ADGRA1: variants seen among roughly 807,000 people sequenced by gnomAD.
ADGRA1 encodes the protein G-protein coupled receptor 123.
ADGRA1 carries 12 observed loss-of-function variants against 21.3 expected under a neutral mutation model. That is an observed-to-expected ratio of 0.56 (90% CI 0.36 to 0.91). The LOEUF is 0.91. Ranked by LOEUF, ADGRA1 falls within the 40% of genes least tolerant of loss-of-function variation. ADGRA1 has a pLI of 0.01. For missense variants in ADGRA1, 790 were observed against 805.6 expected (o/e 0.98, Z 0.23); for synonymous variants, 385 against 368.8 (o/e 1.04, Z -0.50).
At chr10:133,123,757 C>T (rs1852321620) in intron 5 of ADGRA1, among the ~76,000 whole-genome samples, 1 of 151,856 alleles carries the variant, frequency 6.6e-6, no homozygotes, top group Non-Finnish European at 1.5e-5. Flanking sequence ...GCCACCGTCA[C>T]TCCTGGGCTT....
At chr10:133,090,700 C>T (rs570854774) in intron 2 of ADGRA1, among the ~76,000 whole-genome samples, 3 of 152,238 alleles carry the variant, frequency 2.0e-5, no homozygotes, top group South Asian at 4.1e-4. Context: ...TCTGCCTGCC[C>T]CACTGCTGTG....
chr10:133,105,323 C>A (rs1362102260), intron 5 of ADGRA1, among the ~76,000 whole-genome samples: 1 of 152,186 alleles, frequency 6.6e-6, no homozygotes. Flanking sequence ...TCTCAGCCGC[C>A]GTGCATGAAG....
chr10:133,090,525 G>A (rs1196813407), intron 2 of ADGRA1, among the ~76,000 whole-genome samples: 1 of 152,244 alleles, frequency 6.6e-6, no homozygotes, highest in Non-Finnish European at 1.5e-5. Flanking sequence ...GTCTGGTGCA[G>A]CATTTTTCTG....
At chr10:133,092,799 G>GAGGGAGGGA (rs1564842424) in intron 2 of ADGRA1, among the ~76,000 whole-genome samples, 5 of 96,966 alleles carry the variant, frequency 5.2e-5, no homozygotes, top group African/African-American at 2.2e-4. Flanking sequence ...GGAAGGAAGA[G>GAGGGAGGGA]AGGGAGGGAA....
At chr10:133,099,589 T>C (rs1173249616) in intron 4 of ADGRA1, among the ~76,000 whole-genome samples, 1 of 152,206 alleles carries the variant, frequency 6.6e-6, no homozygotes, top group Non-Finnish European at 1.5e-5. Context: ...ACTCAGTTCC[T>C]GGCAGAGCTC....
intron 5 of ADGRA1, among the ~76,000 whole-genome samples, chr10:133,121,136 A>G (rs891576893): frequency 2.6e-5 from 4 of 152,230 alleles, no homozygotes; most frequent in African/African-American, 9.6e-5. Flanking sequence ...TGGAAACCCC[A>G]AAGATCACTG....
At chr10:133,096,948 A>G in intron 2 of ADGRA1, 26 bp from the exon 3 acceptor site, 1 of 1,596,384 alleles carries the variant, frequency 6.3e-7, no homozygotes, top group Non-Finnish European at 8.6e-7. Flanking sequence ...AGCCAGTCAC[A>G]CACGTCTCCT....
rs762275032 is a variant in ADGRA1, at chr10:133,127,326, G to A, written c.495G>A (p.Thr165=). 13 of 1,593,048 alleles carry A rather than the reference G, an allele frequency of 8.2e-6. No homozygotes were observed. The highest frequency in any genetic ancestry group is 1.1e-5 in the South Asian group (1 of 87,688). ...IRNYGTEDED[T]AYCWMAWEPS... ...ATTACGGGACAGAGGACGAGGACACGGCGTAGTGAGTACCGGGCACCCAGA... is the reference window on the plus strand; with the variant it reads ...ATTACGGGACAGAGGACGAGGACACAGCGTAGTGAGTACCGGGCACCCAGA... The change falls in exon 6 of 7, where the codon ACG becomes ACA. Residue 165 remains threonine, a synonymous_variant. Transcript: ENST00000392607.
intron 2 of ADGRA1, among the ~76,000 whole-genome samples, chr10:133,094,408 C>T (rs1851653155): frequency 6.6e-6 from 1 of 152,244 alleles, no homozygotes; most frequent in Non-Finnish European, 1.5e-5. Context: ...AGGGCACACA[C>T]TTTCCTGGCT....
In ADGRA1 at chr10:133,113,030, G is replaced by GTGT. The variant is rs1852088196; in HGVS notation, c.401+10188_401+10189insTGT. Among the ~76,000 whole-genome samples, 4 of 145,706 alleles carry GTGT rather than the reference G, an allele frequency of 2.7e-5. 1 individual carries two copies. The highest frequency in any genetic ancestry group is 6.8e-5 in the Admixed American group (1 of 14,710). ...GTCAGTTATTTGGGGTCTGCGGGCCGCGTCAGTTATTTGGGGTCTATAAGC... is the reference window on the plus strand; with the variant it reads ...GTCAGTTATTTGGGGTCTGCGGGCCGTGTCGTCAGTTATTTGGGGTCTATAAGC... On this transcript the variant is annotated intron_variant, in intron 5 of 6. Coordinates refer to ENST00000392607, the MANE Select transcript of ADGRA1 (RefSeq NM_001083909.3).
intron 2 of ADGRA1, chr10:133,095,892 C>T (rs770455835): frequency 3.1e-4 from 407 of 1,323,262 alleles, no homozygotes; most frequent in Non-Finnish European, 3.8e-4. Context: ...CCTCCTGCCC[C>T]GATGCCCAGG....
rs542754768 is a variant in ADGRA1 at position 133,104,743 on chromosome 10, C to A, written c.401+1901C>A. On this transcript the variant is annotated intron_variant, in intron 5 of 6. Coordinates refer to ENST00000392607, the MANE Select transcript of ADGRA1 (RefSeq NM_001083909.3). Reference sequence around the variant, plus strand: ...GTCGCTCCGCCTCCCCAGCCGCCCCCCCGGTGTCTGGCCAGGGCTCAGCCT... The same window carrying A: ...GTCGCTCCGCCTCCCCAGCCGCCCCACCGGTGTCTGGCCAGGGCTCAGCCT... 2.1e-4 allele frequency among the ~76,000 whole-genome samples: 32 copies of A among 152,316 alleles called. No individual in the cohort carries two copies. In the South Asian group the frequency reaches 3.5e-3, roughly 17 times the overall value.
At chr10:133,099,721 C>T (rs879334241) in intron 4 of ADGRA1, among the ~76,000 whole-genome samples, 3 of 152,144 alleles carry the variant, frequency 2.0e-5, no homozygotes, top group Non-Finnish European at 2.9e-5. Context: ...GGCTCCTCCC[C>T]GCACACCCAG....
intron 2 of ADGRA1, among the ~76,000 whole-genome samples, chr10:133,092,092 C>T (rs1314202754): frequency 6.6e-6 from 1 of 152,204 alleles, no homozygotes; most frequent in East Asian, 1.9e-4. Context: ...TTTATCTCTG[C>T]TCAAATTTTA....
rs1564842382 is a variant in ADGRA1, at chr10:133,092,751, G to GGAAGGAAGGAAGGAAGGAAGGA, written c.3+3839_3+3840insGAAGGAAGGAAGGAAGGAAGGA. Among the ~76,000 whole-genome samples the GGAAGGAAGGAAGGAAGGAAGGA allele has an allele frequency of 4.0e-4, 31 of 77,634 alleles. 1 individual carries two copies. The highest frequency in any genetic ancestry group is 1.9e-3 in the African/African-American group (30 of 15,952). The allele number at this position is 77,634 out of a possible 152,430, so 50.9% of individuals were successfully genotyped here. A position where few individuals can be genotyped will look rare whatever the true frequency, so the allele number is the denominator to read the frequency against. ...GAATGAAGAAGGAGAAATAGGGAGG[G>GGAAGGAAGGAAGGAAGGAAGGA]AGGAAGGAAGGAAGGAAGGAAGGAA... On this transcript the variant is annotated intron_variant, in intron 2 of 6. Coordinates refer to ENST00000392607, the MANE Select transcript of ADGRA1 (RefSeq NM_001083909.3).
At chr10:133,104,111 T>C (rs1446541832) in intron 5 of ADGRA1, among the ~76,000 whole-genome samples, 1 of 152,210 alleles carries the variant, frequency 6.6e-6, no homozygotes, top group Non-Finnish European at 1.5e-5. Context: ...AAGAATTCAT[T>C]TCAAGGCAGA....
In ADGRA1 at chr10:133,088,137, A is replaced by G; in HGVS notation, c.-204A>G. On this transcript the variant is annotated splice_region_variant and 5_prime_UTR_variant, in exon 1 of 7. Coordinates refer to ENST00000392607, the MANE Select transcript of ADGRA1 (RefSeq NM_001083909.3). ...CCCCGGCAGCCGCTTCGGCCACAGC[A>G]GGTGGGAAGGACGCGCGGGTCTGGG... 1.0e-6 allele frequency: 1 copy of G among 981,890 alleles called. No homozygotes were observed. Among genetic ancestry groups the G allele is most frequent in the Non-Finnish European group, 1.2e-6 (1 of 826,936 alleles). 60.8% of individuals were successfully genotyped at this position (981,890 alleles called of 1,614,324 possible).
intron 3 of ADGRA1, 125 bp downstream of exon 3, chr10:133,097,226 T>C: frequency 3.3e-6 from 4 of 1,195,620 alleles, no homozygotes; most frequent in Non-Finnish European, 4.8e-6. Flanking sequence ...AAGGTACAAC[T>C]CAGGTCACCA....
At chr10:133,119,157 G>A (rs1444436260) in intron 5 of ADGRA1, among the ~76,000 whole-genome samples, 4 of 152,172 alleles carry the variant, frequency 2.6e-5, no homozygotes, top group Admixed American at 2.6e-4. Flanking sequence ...CACAGCACAG[G>A]TGAGGGCTTC....
Sources: gnomAD v4.1 joint callset for allele counts (sites outside exome capture counted in the v4.1 genomes callset) on GRCh38, gnomAD v4.1.1 for gene constraint, MANE v1.5 for transcripts, NCBI Gene and HGNC (gene_info 2026-07-23, HGNC 2026-07-21) for gene names.